TENM4: variants seen among roughly 807,000 people sequenced by gnomAD.
The protein encoded by TENM4 is teneurin transmembrane protein 4.
Under a neutral mutation model 243.3 loss-of-function variants are expected in TENM4, and 82 were observed. The observed-to-expected ratio is 0.34, with a 90% CI of 0.28 to 0.40. The LOEUF (loss-of-function observed/expected upper bound fraction) is 0.40. Ranked by LOEUF, TENM4 falls within the 10% of genes least tolerant of loss-of-function variation. The probability of loss-of-function intolerance (pLI) is 1.00; values close to 1 mark genes in which losing one functional copy is unlikely to be tolerated. For synonymous variants in TENM4, 1,412 were observed against 1,456.3 expected, an observed-to-expected ratio of 0.97 and a Z score of 0.69; for missense variants, 3,138 against 3,673.3, an observed-to-expected ratio of 0.85 and a Z score of 3.77.
intron 33 of TENM4, 110 bp downstream of exon 33, chr11:78,661,339 G>C: frequency 7.2e-7 from 1 of 1,392,702 alleles, no homozygotes; most frequent in Admixed American, 2.2e-5. Context: ...GCACTGTGGA[G>C]GCACCACATT....
chr11:79,226,689 A>T (rs1864272905), intron 2 of TENM4, among the ~76,000 whole-genome samples: 1 of 152,196 alleles, frequency 6.6e-6, no homozygotes, highest in Non-Finnish European at 1.5e-5. Context: ...GATACTCCTG[A>T]GCAAGATTTG....
rs1029988329 is a variant in TENM4, at chr11:78,655,303, C to T, written c.*2755G>A. On this transcript the variant is annotated 3_prime_UTR_variant, in exon 34 of 34. Transcript: ENST00000278550. Reference sequence around the variant, plus strand: ...AGCTGAGATCCTTTTTCTAAAGCTTCGGGATCCTTCAACTTCTCTCCCCAC... The same window carrying T: ...AGCTGAGATCCTTTTTCTAAAGCTTTGGGATCCTTCAACTTCTCTCCCCAC... The T allele has an allele frequency of 2.0e-5, 3 of 152,122 alleles. No homozygotes were observed. Among genetic ancestry groups the T allele is most frequent in the Admixed American group, 6.5e-5 (1 of 15,288 alleles). The allele number at this position is 152,122 out of a possible 1,614,324, so 9.4% of individuals were successfully genotyped here. A position where few individuals can be genotyped will look rare whatever the true frequency, so the allele number is the denominator to read the frequency against.
intron 2 of TENM4, among the ~76,000 whole-genome samples, chr11:79,225,790 T>C (rs1486761021): frequency 6.6e-6 from 1 of 152,082 alleles, no homozygotes; most frequent in Non-Finnish European, 1.5e-5. Flanking sequence ...GTCCTTTCTG[T>C]TTTGAGTATG....
rs542244714 is a variant in TENM4 at position 79,297,664 on chromosome 11, G to GTTT, written c.-320-122_-320-121insAAA. On this transcript the variant is annotated intron_variant, in intron 1 of 33. Coordinates refer to ENST00000278550, the MANE Select transcript of TENM4 (RefSeq NM_001098816.3). ...ATGATTCCAGGTAACTGGGAAAACT[G>GTTT]TGAGTGGTCAGGGGCTGCAAAATAA... is the stretch of plus-strand genomic sequence containing the variant. 5.2e-5 allele frequency: 8 copies of GTTT among 152,568 alleles called. 1 individual carries two copies. The highest frequency in any genetic ancestry group is 5.2e-4 in the Admixed American group (8 of 15,306). 9.5% of individuals were successfully genotyped at this position (152,568 alleles called of 1,614,324 possible). A position where few individuals can be genotyped will look rare whatever the true frequency, so the allele number is the denominator to read the frequency against.
At chr11:79,064,236 C>A (rs1403840862) in intron 6 of TENM4, among the ~76,000 whole-genome samples, 1 of 152,206 alleles carries the variant, frequency 6.6e-6, no homozygotes, top group Non-Finnish European at 1.5e-5. Context: ...TTGACAACAT[C>A]TTCCCTAAAC....
At chr11:78,885,950 C>G (rs1855539186) in intron 9 of TENM4, among the ~76,000 whole-genome samples, 1 of 152,086 alleles carries the variant, frequency 6.6e-6, no homozygotes, top group African/African-American at 2.4e-5. Context: ...AACAAACAAA[C>G]TAAATGTCAA....
At chr11:78,905,210 G>A (rs529520652) in intron 6 of TENM4, among the ~76,000 whole-genome samples, 2 of 152,340 alleles carry the variant, frequency 1.3e-5, no homozygotes, top group East Asian at 3.9e-4. Flanking sequence ...AGAAAGAACA[G>A]CAATATTCCA....
chr11:78,710,512 T>A (rs1051142631), intron 26 of TENM4, among the ~76,000 whole-genome samples: 5 of 152,240 alleles, frequency 3.3e-5, no homozygotes, highest in Non-Finnish European at 5.9e-5. Flanking sequence ...GGTCCTGTCG[T>A]GAATGTACAT....
At chr11:79,397,307 T>C (rs2135550065) in intron 1 of TENM4, among the ~76,000 whole-genome samples, 1 of 152,226 alleles carries the variant, frequency 6.6e-6, no homozygotes, top group South Asian at 2.1e-4. Flanking sequence ...GTTATTAACA[T>C]CCCCATTTTG....
chr11:78,876,839 C>T (rs761182685), intron 9 of TENM4, among the ~76,000 whole-genome samples: 1 of 152,188 alleles, frequency 6.6e-6, no homozygotes, highest in Non-Finnish European at 1.5e-5. Context: ...GCTTAATCAC[C>T]TGAAATCCCT....
At chr11:79,421,029 A>G (rs1403883211) in intron 1 of TENM4, among the ~76,000 whole-genome samples, 2 of 152,196 alleles carry the variant, frequency 1.3e-5, no homozygotes, top group Non-Finnish European at 2.9e-5. Context: ...GCACAAAGGT[A>G]TCTGGTAGGG....
chr11:78,782,440 C>T (rs1856856615), intron 16 of TENM4, among the ~76,000 whole-genome samples: 1 of 151,548 alleles, frequency 6.6e-6, no homozygotes, highest in Non-Finnish European at 1.5e-5. Context: ...TCTACTAAAA[C>T]TACAAAATTA....
intron 10 of TENM4, among the ~76,000 whole-genome samples, chr11:78,858,668 CTAGGATA>C (rs1377413961): frequency 6.6e-6 from 1 of 152,174 alleles, no homozygotes; most frequent in Non-Finnish European, 1.5e-5. Context: ...GCTGTGAGCA[CTAGGATA>C]TAAAATATCC....
At chr11:78,716,231 G>C (rs926184517) in intron 25 of TENM4, among the ~76,000 whole-genome samples, 2 of 152,048 alleles carry the variant, frequency 1.3e-5, no homozygotes, top group Non-Finnish European at 2.9e-5. Context: ...AGGTTCCTCT[G>C]CCCATATTCA....
intron 1 of TENM4, among the ~76,000 whole-genome samples, chr11:79,356,107 A>G (rs1857492811): frequency 6.6e-6 from 1 of 152,192 alleles, no homozygotes; most frequent in African/African-American, 2.4e-5. Flanking sequence ...TCACCTGGGC[A>G]AGATGAATGC....
intron 2 of TENM4, among the ~76,000 whole-genome samples, chr11:79,241,662 G>A (rs1479738905): frequency 6.6e-6 from 1 of 152,144 alleles, no homozygotes; most frequent in Non-Finnish European, 1.5e-5. Flanking sequence ...GTCACTACAC[G>A]CAGCATGCAT....
intron 1 of TENM4, among the ~76,000 whole-genome samples, chr11:79,427,456 A>G (rs1859076342): frequency 6.6e-6 from 1 of 152,184 alleles, no homozygotes; most frequent in African/African-American, 2.4e-5. Flanking sequence ...AATTAATGGA[A>G]CGGGGAAACG....
chr11:78,716,036 C>T (rs1177970928), intron 25 of TENM4, among the ~76,000 whole-genome samples: 1 of 152,234 alleles, frequency 6.6e-6, no homozygotes, highest in Non-Finnish European at 1.5e-5. Flanking sequence ...TCATTTTCTT[C>T]ACAACTACCA....
chr11:78,976,759 C>T (rs868790124), intron 6 of TENM4, among the ~76,000 whole-genome samples: 1 of 152,230 alleles, frequency 6.6e-6, no homozygotes. Context: ...AAGCAGGAAC[C>T]CTTCAGGCAG....
Sources: allele counts gnomAD v4.1 joint callset (sites outside exome capture counted in the v4.1 genomes callset), GRCh38; gene constraint gnomAD v4.1.1; transcripts MANE v1.5; gene names NCBI Gene and HGNC (gene_info 2026-07-23, HGNC 2026-07-21).